The following PAPPA variants were observed in gnomAD, a reference collection of about 807,000 sequenced individuals.
PAPPA encodes the protein pappalysin 1.
In PAPPA, 60 loss-of-function variants were observed where a neutral mutation model predicts 164.0. The observed-to-expected ratio is 0.37, with a 90% CI of 0.30 to 0.45. The LOEUF (loss-of-function observed/expected upper bound fraction) is 0.45. Ranked by LOEUF, PAPPA falls within the 20% of genes least tolerant of loss-of-function variation. The pLI is 1.00. For synonymous variants in PAPPA, 875 were observed against 814.1 expected (o/e 1.07, Z -1.27); for missense variants, 1,782 against 2,087.3 (o/e 0.85, Z 2.85).
At chr9:116,244,851 C>A (rs989649595) in intron 7 of PAPPA, among the ~76,000 whole-genome samples, 1 of 152,054 alleles carries the variant, frequency 6.6e-6, no homozygotes, top group East Asian at 1.9e-4. Flanking sequence ...TAGAAAGATA[C>A]CTGCACCCAT....
rs771878792 is a variant in PAPPA at position 116,235,447 on chromosome 9, G to A, written c.2542G>A (p.Glu848Lys). ...GACCATCAGACTCTGGGACGTGGGC[G>A]AGGAGGTGTATGGCATCCAAATCTA... Reference protein sequence around the residue: ...PLTIRLWDVGEEVYGIQIYTL... With the variant: ...PLTIRLWDVGKEVYGIQIYTL... The change falls in exon 7 of 22, where the codon GAG becomes AAG. Residue 848 changes from glutamate (E) to lysine (K), a missense_variant. Physicochemically the swap from Glu to Lys is moderately conservative, Grantham distance 56. This residue lies in a region of PAPPA where 1,324 missense variants were observed against 1,656.9 expected (regional missense o/e 0.80). Coordinates refer to ENST00000328252, the MANE Select transcript of PAPPA (RefSeq NM_002581.5). 2.5e-5 allele frequency: 40 copies of A among 1,612,920 alleles called. No homozygotes were observed. The highest frequency in any genetic ancestry group is 3.3e-4 in the Middle Eastern group (2 of 6,052).
At chr9:116,349,442 T>C (rs1408376200) in intron 15 of PAPPA, among the ~76,000 whole-genome samples, 1 of 152,180 alleles carries the variant, frequency 6.6e-6, no homozygotes, top group African/African-American at 2.4e-5. Context: ...ATATACAAGA[T>C]ACAGCCCTTG....
chr9:116,267,395 C>T (rs1220160968), intron 8 of PAPPA, among the ~76,000 whole-genome samples: 1 of 152,228 alleles, frequency 6.6e-6, no homozygotes, highest in African/African-American at 2.4e-5. Context: ...TCTTTCTGAA[C>T]ATGATTTAAC....
intron 7 of PAPPA, among the ~76,000 whole-genome samples, chr9:116,256,741 A>G (rs906785504): frequency 2.6e-5 from 4 of 151,992 alleles, no homozygotes; most frequent in African/African-American, 7.2e-5. Context: ...AGATAAATGC[A>G]TGACATTGTG....
intron 9 of PAPPA, among the ~76,000 whole-genome samples, chr9:116,285,171 C>CTTTTTTTTTTT: frequency 2.9e-4 from 26 of 89,482 alleles, no homozygotes; most frequent in Admixed American, 5.4e-4. Flanking sequence ...TTCTTTCTTT[C>CTTTTTTTTTTT]TTTTTTTTTT....
intron 10 of PAPPA, among the ~76,000 whole-genome samples, chr9:116,322,169 G>A (rs926690191): frequency 6.6e-6 from 1 of 152,172 alleles, no homozygotes; most frequent in African/African-American, 2.4e-5. Flanking sequence ...ACTCACGCCT[G>A]TAATCCTAGC....
intron 7 of PAPPA, among the ~76,000 whole-genome samples, chr9:116,258,987 G>A (rs1281727800): frequency 2.0e-5 from 3 of 151,856 alleles, no homozygotes; most frequent in South Asian, 2.1e-4. Context: ...TATAAAATTC[G>A]CCAGGCATGG....
intron 10 of PAPPA, among the ~76,000 whole-genome samples, chr9:116,316,746 G>A (rs1461103999): frequency 6.6e-6 from 1 of 152,344 alleles, no homozygotes; most frequent in Non-Finnish European, 1.5e-5. Context: ...AAAAACATAA[G>A]TGACTGCTGT....
chr9:116,348,448 T>A (rs149214353), intron 15 of PAPPA, among the ~76,000 whole-genome samples: 2 of 152,214 alleles, frequency 1.3e-5, no homozygotes. Context: ...CTTTTGTTTT[T>A]CCTTTGATCA....
intron 1 of PAPPA, among the ~76,000 whole-genome samples, chr9:116,177,358 CTTT>C (rs939305874): frequency 3.9e-5 from 6 of 152,180 alleles, no homozygotes; most frequent in African/African-American, 1.4e-4. Context: ...ACATGCATTT[CTTT>C]ATTTCCCCTT....
intron 8 of PAPPA, among the ~76,000 whole-genome samples, chr9:116,269,761 AT>A (rs915658353): frequency 6.6e-6 from 1 of 152,168 alleles, no homozygotes; most frequent in Non-Finnish European, 1.5e-5. Context: ...CAGCCCAGGT[AT>A]TTTTTTGTTT....
At position 116,188,202 on chromosome 9, in the gene PAPPA, C is replaced by T. The variant is rs535986686; in HGVS notation, c.1464C>T (p.Pro488=). 4.8e-5 allele frequency: 77 copies of T among 1,609,638 alleles called. 1 individual carries two copies. Among genetic ancestry groups the T allele is most frequent in the South Asian group, 3.7e-4 (34 of 90,910 alleles). ...ITNVTQTCFD[P]DSPHRAYLDV... is the part of the protein sequence containing the mutation. ...ATGTCACTCAGACTTGCTTTGACCCCGACTCTCCACACAGGTAAGACCTTA... is the reference window on the plus strand; with the variant it reads ...ATGTCACTCAGACTTGCTTTGACCCTGACTCTCCACACAGGTAAGACCTTA... Residue 488 remains proline, a synonymous_variant, in exon 2 of 22, where the codon CCC becomes CCT. Transcript: ENST00000328252.
chr9:116,266,118 T>C (rs1437444183), intron 8 of PAPPA, 133 bp downstream of exon 8: 2 of 697,578 alleles, frequency 2.9e-6, no homozygotes, highest in African/African-American at 3.5e-5. Flanking sequence ...TCCCCAGCAG[T>C]CTCTGGATTG....
chr9:116,259,762 T>C (rs1027842513), intron 7 of PAPPA, among the ~76,000 whole-genome samples: 2 of 152,192 alleles, frequency 1.3e-5, no homozygotes, highest in African/African-American at 4.8e-5. Context: ...GAAGATGCAA[T>C]TATCTTAACC....
At chr9:116,194,740 G>T (rs1844083559) in intron 2 of PAPPA, among the ~76,000 whole-genome samples, 1 of 152,140 alleles carries the variant, frequency 6.6e-6, no homozygotes, top group Admixed American at 6.5e-5. Context: ...GTAGGTGATG[G>T]AGAAAAGTCT....
At position 116,187,809 on chromosome 9, in the gene PAPPA, G is replaced by T; in HGVS notation, c.1071G>T (p.Val357=). The T allele has an allele frequency of 6.2e-7, 1 of 1,614,238 alleles. No individual in the cohort carries two copies. The highest frequency in any genetic ancestry group is 8.5e-7 in the Non-Finnish European group (1 of 1,180,052). Residue 357 remains valine (V), a synonymous_variant, in exon 2 of 22, where the codon GTG becomes GTT. Coordinates refer to ENST00000328252, the MANE Select transcript of PAPPA (RefSeq NM_002581.5). This position sits in a 1 kb window ranked among gnomAD's most constrained non-coding sequence, Gnocchi z 4.2. ...AGCCCAAGGTGGTGCGCTACCGCGT[G>T]GTCAACCTCTATGAAGATGATCATA... ...FRQPKVVRYR[V]VNLYEDDHKN...
intron 21 of PAPPA, among the ~76,000 whole-genome samples, chr9:116,393,840 G>C (rs1017228149): frequency 1.3e-5 from 2 of 152,174 alleles, no homozygotes; most frequent in South Asian, 4.1e-4. Flanking sequence ...AAGCCACTGA[G>C]AGTGAGGAGG....
intron 20 of PAPPA, among the ~76,000 whole-genome samples, chr9:116,380,086 C>A (rs1846708174): frequency 6.6e-6 from 1 of 152,198 alleles, no homozygotes; most frequent in African/African-American, 2.4e-5. Flanking sequence ...AATAGCATCA[C>A]AAACCTCTTC....
chr9:116,264,589 A>G (rs549410783), intron 7 of PAPPA, among the ~76,000 whole-genome samples: 1 of 152,324 alleles, frequency 6.6e-6, no homozygotes, highest in African/African-American at 2.4e-5. Flanking sequence ...CCTTAACCAA[A>G]CAGCCCAAGT....
Sources: gnomAD v4.1 joint callset for allele counts (sites outside exome capture counted in the v4.1 genomes callset) on GRCh38, gnomAD v4.1.1 for gene constraint, gnomAD v4.1.1 regional missense constraint, Gnocchi (gnomAD v3.1) non-coding constraint, MANE v1.5 for transcripts, NCBI Gene and HGNC (gene_info 2026-07-23, HGNC 2026-07-21) for gene names.